PTPRD: variants seen among roughly 807,000 people sequenced by gnomAD.
PTPRD encodes receptor-type tyrosine-protein phosphatase delta.
In PTPRD, 34 loss-of-function variants were observed where a neutral mutation model predicts 214.5. The ratio of observed to expected loss-of-function variants is 0.16; its 90% confidence interval spans 0.12 to 0.21. The LOEUF (loss-of-function observed/expected upper bound fraction) is 0.21. PTPRD is among the 10% of genes least tolerant of loss of function. The pLI is 1.00. For synonymous variants in PTPRD, 1,128 were observed against 845.7 expected, an observed-to-expected ratio of 1.33 and a Z score of -5.79; for missense variants, 2,545 against 2,398.7, an observed-to-expected ratio of 1.06 and a Z score of -1.27.
At chr9:9,208,397 G>A (rs934536559) in intron 9 of PTPRD, among the ~76,000 whole-genome samples, 1 of 151,484 alleles carries the variant, frequency 6.6e-6, no homozygotes. Flanking sequence ...GAGAGGTGAG[G>A]GTATAGGATA....
At chr9:10,216,719 G>A (rs1292651948) in intron 3 of PTPRD, among the ~76,000 whole-genome samples, 1 of 151,948 alleles carries the variant, frequency 6.6e-6, no homozygotes, top group African/African-American at 2.4e-5. Context: ...TGATAGTGTT[G>A]GAAGTATACG....
At chr9:10,162,708 C>CGTATATATATACATATACATGTACAT (rs2099135802) in intron 3 of PTPRD, among the ~76,000 whole-genome samples, 1 of 144,570 alleles carries the variant, frequency 6.9e-6, no homozygotes, top group East Asian at 2.0e-4. Flanking sequence ...TACATATACA[C>CGTATATATATACATATACATGTACAT]GTATATATAT....
chr9:10,597,995 C>T (rs16926151), intron 2 of PTPRD, among the ~76,000 whole-genome samples: 1,586 of 151,748 alleles, frequency 0.01, 14 homozygotes, highest in South Asian at 0.049. Context: ...ATGGGTGTGA[C>T]GTAATATATA....
At chr9:8,696,453 G>C (rs934952688) in intron 12 of PTPRD, among the ~76,000 whole-genome samples, 4 of 152,152 alleles carry the variant, frequency 2.6e-5, no homozygotes, top group African/African-American at 9.7e-5. Flanking sequence ...CTTGGGGTGG[G>C]GGGACAAGTA....
intron 30 of PTPRD, among the ~76,000 whole-genome samples, chr9:8,478,934 G>A (rs2096824175): frequency 6.6e-6 from 1 of 152,194 alleles, no homozygotes; most frequent in Non-Finnish European, 1.5e-5. Context: ...AAGAAAACAG[G>A]TGTCAATCAC....
intron 10 of PTPRD, among the ~76,000 whole-genome samples, chr9:9,142,587 T>C (rs2099862277): frequency 1.3e-5 from 2 of 152,192 alleles, no homozygotes; most frequent in South Asian, 4.1e-4. Flanking sequence ...TATTTTCTAA[T>C]AGTGTTCATT....
At chr9:10,538,331 T>C (rs1000435880) in intron 2 of PTPRD, among the ~76,000 whole-genome samples, 2 of 151,572 alleles carry the variant, frequency 1.3e-5, no homozygotes, top group Non-Finnish European at 2.9e-5. Flanking sequence ...AAGAAAGAGA[T>C]GATGAAGAAA....
At chr9:9,248,447 T>C (rs1479930281) in intron 9 of PTPRD, among the ~76,000 whole-genome samples, 1 of 152,060 alleles carries the variant, frequency 6.6e-6, no homozygotes, top group Non-Finnish European at 1.5e-5. Context: ...TGTAATTATC[T>C]TGGTAACAAT....
chr9:8,903,639 G>T (rs574212141), intron 11 of PTPRD, among the ~76,000 whole-genome samples: 1 of 151,968 alleles, frequency 6.6e-6, no homozygotes, highest in African/African-American at 2.4e-5. Flanking sequence ...AAATAAAAAC[G>T]AATAAAAATA....
chr9:9,814,891 C>G (rs1418396800), intron 5 of PTPRD, among the ~76,000 whole-genome samples: 1 of 149,798 alleles, frequency 6.7e-6, no homozygotes, highest in East Asian at 2.0e-4. Flanking sequence ...CCTCAACCTC[C>G]TGGGCTCAAG....
chr9:9,696,240 A>C (rs2097371594), intron 7 of PTPRD, among the ~76,000 whole-genome samples: 1 of 152,178 alleles, frequency 6.6e-6, no homozygotes, highest in Non-Finnish European at 1.5e-5. Flanking sequence ...ATTCTTGAGA[A>C]TGTTTCATAC....
intron 3 of PTPRD, among the ~76,000 whole-genome samples, chr9:10,055,868 T>G (rs2097630936): frequency 6.7e-6 from 1 of 150,092 alleles, no homozygotes; most frequent in Non-Finnish European, 1.5e-5. Context: ...ATTATGTGTG[T>G]GTATATATAT....
chr9:8,474,571 G>A (rs1353615658), intron 30 of PTPRD, among the ~76,000 whole-genome samples: 1 of 152,158 alleles, frequency 6.6e-6, no homozygotes. Context: ...ACCCCAGTTA[G>A]GCCTTCAACA....
At chr9:10,135,406 C>T (rs1345575663) in intron 3 of PTPRD, among the ~76,000 whole-genome samples, 1 of 151,924 alleles carries the variant, frequency 6.6e-6, no homozygotes, top group Non-Finnish European at 1.5e-5. Context: ...ATAAGATGGC[C>T]AAACCCAAGA....
At chr9:9,397,821 C>G (rs902422458) in intron 8 of PTPRD, among the ~76,000 whole-genome samples, 3 of 151,914 alleles carry the variant, frequency 2.0e-5, no homozygotes, top group African/African-American at 7.2e-5. Context: ...TTGGTCCTGG[C>G]ACAAACACAA....
chr9:8,518,967 A>G (rs1235727883), intron 20 of PTPRD, among the ~76,000 whole-genome samples: 1 of 152,228 alleles, frequency 6.6e-6, no homozygotes, highest in Non-Finnish European at 1.5e-5. Flanking sequence ...AATACCGATA[A>G]ACATTGAAAA....
chr9:9,355,030 G>A (rs1283385288), intron 9 of PTPRD, among the ~76,000 whole-genome samples: 2 of 151,662 alleles, frequency 1.3e-5, no homozygotes, highest in Non-Finnish European at 2.9e-5. Flanking sequence ...GGATGAAGTT[G>A]GTGGAGGATG....
At chr9:8,319,468 G>C (rs1241789516) in intron 45 of PTPRD, among the ~76,000 whole-genome samples, 1 of 151,752 alleles carries the variant, frequency 6.6e-6, no homozygotes, top group East Asian at 1.9e-4. Flanking sequence ...GAAGTTAAAT[G>C]GGCTGAGATT....
chr9:10,530,829 G>C (rs754001384), intron 2 of PTPRD, among the ~76,000 whole-genome samples: 5 of 152,138 alleles, frequency 3.3e-5, no homozygotes, highest in Non-Finnish European at 5.9e-5. Flanking sequence ...CAGGAGAATA[G>C]TGAAAGTTCA....
Sources: gnomAD v4.1 joint callset for allele counts (sites outside exome capture counted in the v4.1 genomes callset) on GRCh38, gnomAD v4.1.1 for gene constraint, MANE v1.5 for transcripts, NCBI Gene and HGNC (gene_info 2026-07-23, HGNC 2026-07-21) for gene names.